CHN2: variants seen among roughly 807,000 people sequenced by gnomAD.
CHN2 encodes beta-chimaerin.
CHN2 carries 35 observed loss-of-function variants against 56.3 expected under a neutral mutation model. The observed-to-expected ratio is 0.62, with a 90% CI of 0.47 to 0.82. The LOEUF is 0.82. CHN2 is among the 40% of genes least tolerant of loss of function. The pLI is 0.00. For missense variants in CHN2, 491 were observed against 580.5 expected (o/e 0.85, Z 1.58); for synonymous variants, 210 against 212.8 (o/e 0.99, Z 0.12).
chr7:29,415,717 G>A (rs529052666), intron 6 of CHN2, among the ~76,000 whole-genome samples: 1 of 152,026 alleles, frequency 6.6e-6, no homozygotes, highest in African/African-American at 2.4e-5. Context: ...GGCTTAAGGA[G>A]CTGCCTGCAG....
intron 2 of CHN2, among the ~76,000 whole-genome samples, chr7:29,151,933 CAG>C (rs1562796263): frequency 2.6e-5 from 4 of 152,222 alleles, no homozygotes; most frequent in South Asian, 2.1e-4. Flanking sequence ...AAAGGACAAA[CAG>C]ATAGTAAACA....
At chr7:29,232,205 C>T (rs974225026) in intron 1 of CHN2, among the ~76,000 whole-genome samples, 4 of 152,072 alleles carry the variant, frequency 2.6e-5, no homozygotes, top group Non-Finnish European at 4.4e-5. Flanking sequence ...GATTCAGGAC[C>T]CTGCTGTCAT....
chr7:29,244,100 A>G (rs1787890218), intron 1 of CHN2, among the ~76,000 whole-genome samples: 1 of 152,154 alleles, frequency 6.6e-6, no homozygotes, highest in South Asian at 2.1e-4. Flanking sequence ...GGGTTAATGC[A>G]TTATTTTCTC....
intron 6 of CHN2, among the ~76,000 whole-genome samples, chr7:29,409,379 C>CTA (rs1281319519): frequency 4.0e-5 from 6 of 151,852 alleles, no homozygotes; most frequent in African/African-American, 1.5e-4. Context: ...AGTAATAAAC[C>CTA]TATTATGTGT....
intron 1 of CHN2, among the ~76,000 whole-genome samples, chr7:29,227,170 A>G (rs1174420767): frequency 6.6e-6 from 1 of 152,178 alleles, no homozygotes; most frequent in African/African-American, 2.4e-5. Context: ...AATAGCTCCC[A>G]CTGTAATAGT....
At chr7:29,222,778 C>A (rs984125844) in intron 1 of CHN2, among the ~76,000 whole-genome samples, 1 of 151,774 alleles carries the variant, frequency 6.6e-6, no homozygotes, top group East Asian at 1.9e-4. Flanking sequence ...TACAAAACAC[C>A]AAGAATAACT....
At chr7:29,416,989 G>A (rs1803817727) in intron 6 of CHN2, among the ~76,000 whole-genome samples, 1 of 152,202 alleles carries the variant, frequency 6.6e-6, no homozygotes, top group African/African-American at 2.4e-5. Context: ...CAGGGCCAGT[G>A]GCTGTGTGGC....
chr7:29,426,078 G>T (rs910119523), intron 6 of CHN2, among the ~76,000 whole-genome samples: 4 of 151,878 alleles, frequency 2.6e-5, no homozygotes, highest in Non-Finnish European at 1.5e-5. Context: ...GCATGGTGAG[G>T]CATGCCTGTA....
At chr7:29,256,438 T>G (rs182858631) in intron 1 of CHN2, among the ~76,000 whole-genome samples, 2 of 152,200 alleles carry the variant, frequency 1.3e-5, no homozygotes, top group African/African-American at 4.8e-5. Context: ...CAACGGGCAT[T>G]TTTTGTTCTT....
At chr7:29,151,980 T>A (rs1305323123) in intron 2 of CHN2, among the ~76,000 whole-genome samples, 2 of 152,264 alleles carry the variant, frequency 1.3e-5, no homozygotes, top group African/African-American at 2.4e-5. Flanking sequence ...TGGAGTCTCC[T>A]CTTTTTCTCT....
At chr7:29,326,845 G>C (rs896651902) in intron 1 of CHN2, among the ~76,000 whole-genome samples, 1 of 152,168 alleles carries the variant, frequency 6.6e-6, no homozygotes, top group Non-Finnish European at 1.5e-5. Flanking sequence ...AATATGTACT[G>C]ATAATAATAA....
In CHN2 at chr7:29,338,624, G is replaced by T. The variant is rs142691609; in HGVS notation, c.50-16001G>T. ...CACAGAGTCTTGCTCTGTTACCCAG[G>T]CTGGAGTGCAGTGATGCGATCTCAG... On this transcript the variant is annotated intron_variant, in intron 1 of 12. Transcript: ENST00000222792. 6.8e-3 allele frequency among the ~76,000 whole-genome samples: 1,037 copies of T among 152,260 alleles called. 12 individuals are homozygous for T. The highest frequency in any genetic ancestry group is 0.023 in the African/African-American group (954 of 41,546).
Position 29,295,336 on chromosome 7 carries a change from C to CACACACACACACAA in CHN2, c.50-59278_50-59277insCAAACACACACACA, listed in dbSNP as rs1455474623. On this transcript the variant is annotated intron_variant, in intron 1 of 12. Transcript: ENST00000222792. The stretch of plus-strand genomic sequence containing the variant: ...GTGAACACACACACACACACACACA[C>CACACACACACACAA]ACACACACACAGATTATAAACCCAT... 2.0e-5 allele frequency among the ~76,000 whole-genome samples: 3 copies of CACACACACACACAA among 151,836 alleles called. No homozygotes were observed. The East Asian group carries it at 5.8e-4, about 29-fold the overall frequency.
chr7:29,436,837 A>G (rs1554293387), intron 6 of CHN2, among the ~76,000 whole-genome samples: 1 of 152,150 alleles, frequency 6.6e-6, no homozygotes, highest in Non-Finnish European at 1.5e-5. Flanking sequence ...TGGGCTTACA[A>G]TACACATTCA....
intron 6 of CHN2, among the ~76,000 whole-genome samples, chr7:29,459,767 C>G (rs1382915352): frequency 6.6e-6 from 1 of 152,172 alleles, no homozygotes; most frequent in Non-Finnish European, 1.5e-5. Flanking sequence ...GCATGGCAGG[C>G]TCAGGTATCT....
chr7:29,384,882 A>G (rs1301672456), intron 3 of CHN2, among the ~76,000 whole-genome samples: 1 of 152,208 alleles, frequency 6.6e-6, no homozygotes, highest in East Asian at 1.9e-4. Flanking sequence ...CCCAGCAATC[A>G]GGGCAAAATT....
intron 1 of CHN2, among the ~76,000 whole-genome samples, chr7:29,260,230 G>A (rs903026621): frequency 6.6e-6 from 1 of 152,116 alleles, no homozygotes; most frequent in Non-Finnish European, 1.5e-5. Flanking sequence ...GCCCATCTTG[G>A]CCTCCCAAAG....
intron 6 of CHN2, among the ~76,000 whole-genome samples, chr7:29,434,638 A>G (rs1783090296): frequency 6.6e-6 from 1 of 152,188 alleles, no homozygotes; most frequent in Non-Finnish European, 1.5e-5. Flanking sequence ...TCTTAATCCA[A>G]TATGACCTCA....
chr7:29,168,013 TG>T (rs1437951965), intron 2 of CHN2, among the ~76,000 whole-genome samples: 20 of 152,238 alleles, frequency 1.3e-4, no homozygotes, highest in African/African-American at 4.3e-4. Context: ...AGTTCCCAGA[TG>T]ACCTAAACTG....
Sources: gnomAD v4.1 joint callset for allele counts (sites outside exome capture counted in the v4.1 genomes callset) on GRCh38, gnomAD v4.1.1 for gene constraint, MANE v1.5 for transcripts, NCBI Gene and HGNC (gene_info 2026-07-23, HGNC 2026-07-21) for gene names.